The following TXNL4A variants were observed in gnomAD, a reference collection of about 807,000 sequenced individuals.
TXNL4A encodes thioredoxin-like protein 4A.
A neutral mutation model predicts 14.6 loss-of-function variants in TXNL4A; 17 were observed. That is an observed-to-expected ratio of 1.16 (90% CI 0.80 to 1.74). TXNL4A has a LOEUF of 1.74. TXNL4A is among the 40% of genes most tolerant of loss of function. TXNL4A has a pLI of 0.00. For synonymous variants in TXNL4A, 83 were observed against 70.6 expected, an observed-to-expected ratio of 1.18 and a Z score of -0.88; for missense variants, 74 against 195.2, an observed-to-expected ratio of 0.38 and a Z score of 3.70.
chr18:80,029,328 G>T (rs1159481367), intron 1 of TXNL4A, among the ~76,000 whole-genome samples: 1 of 152,008 alleles, frequency 6.6e-6, no homozygotes, highest in East Asian at 1.9e-4. Context: ...AGTCGCCCAG[G>T]GTCACTTTCC....
Position 79,987,359 on chromosome 18 carries a change from G to A in TXNL4A, c.153+881C>T, listed in dbSNP as rs537145461. Among the ~76,000 whole-genome samples the A allele has an allele frequency of 1.6e-4, 25 of 152,288 alleles. No individual in the cohort carries two copies. The South Asian group carries it at 5.2e-3, about 32-fold the overall frequency. ...TTACATCTGTTACTCTTTACTCAAA[G>A]GAGTTATTTTAACCCAGGCCTACTT... On this transcript the variant is annotated intron_variant, in intron 1 of 2. Transcript: ENST00000269601.
At chr18:79,997,553 C>A (rs1474117125) in intron 1 of TXNL4A, among the ~76,000 whole-genome samples, 1 of 152,140 alleles carries the variant, frequency 6.6e-6, no homozygotes, top group Non-Finnish European at 1.5e-5. Flanking sequence ...TCTGCAGTGC[C>A]TTCTTTAGTA....
chr18:79,973,829 C>A lies in TXNL4A; in HGVS notation c.285G>T (p.Gly95=). 1 of 1,614,096 alleles carries A rather than the reference C, an allele frequency of 6.2e-7. No individual in the cohort carries two copies. Among genetic ancestry groups the A allele is most frequent in the Non-Finnish European group, 8.5e-7 (1 of 1,180,022 alleles). Residue 95 remains glycine (G), a synonymous_variant, in exon 3 of 3, where the codon GGG becomes GGT. Coordinates refer to ENST00000269601, the MANE Select transcript of TXNL4A (RefSeq NM_006701.5). ...AGTTAATCTTGTTGTTGTTGCCAGTCCCCAAGTCAATCATGATGTGCTTGT... is the reference window on the plus strand; with the variant it reads ...AGTTAATCTTGTTGTTGTTGCCAGTACCCAAGTCAATCATGATGTGCTTGT... ...FRNKHIMIDL[G]TGNNNKINWA... is the part of the protein sequence containing the mutation.
At chr18:79,987,700 A>G (rs2051574084) in intron 1 of TXNL4A, among the ~76,000 whole-genome samples, 1 of 152,346 alleles carries the variant, frequency 6.6e-6, no homozygotes, top group South Asian at 2.1e-4. Flanking sequence ...CTAACAAAGC[A>G]TATTTCTATT....
chr18:80,016,337 C>G (rs575263479), intron 1 of TXNL4A, among the ~76,000 whole-genome samples: 48 of 152,218 alleles, frequency 3.2e-4, no homozygotes, highest in African/African-American at 1.2e-3. Flanking sequence ...ATGGTAGTTT[C>G]TTTTGCTGCG....
intron 2 of TXNL4A, chr18:79,976,626 C>T (rs2051383688): frequency 6.3e-6 from 2 of 317,536 alleles, no homozygotes. Context: ...CTCAGAAAAG[C>T]GGGGTGATTT....
Position 79,998,672 on chromosome 18 carries a change from T to A in TXNL4A, c.-60-20971A>T, listed in dbSNP as rs572842585. ...AGTCTGTTGAAGAAATAAGTATGGG[T>A]TCCCCCCTTACCATTTCTGTGCCAC... On this transcript the variant is annotated intron_variant, in intron 1 of 2. Transcript: ENST00000585474. 9.4e-5 allele frequency among the ~76,000 whole-genome samples: 14 copies of A among 149,148 alleles called. No homozygotes were observed. The East Asian group carries it at 2.5e-3, about 27-fold the overall frequency.
chr18:79,998,396 T>G (rs1226470291), intron 1 of TXNL4A, among the ~76,000 whole-genome samples: 4 of 151,792 alleles, frequency 2.6e-5, no homozygotes, highest in African/African-American at 9.7e-5. Flanking sequence ...CCTTGTGGAG[T>G]CCTGAGGGAC....
rs148971405 is a variant in TXNL4A, at chr18:79,983,843, T to C, written c.153+4397A>G. ...CAACCCTATGAGTGAGGCACAAGTA[T>C]GCCCTTTTTACAGGTAAGATGACCC... On this transcript the variant is annotated intron_variant, in intron 1 of 2. Coordinates refer to ENST00000269601, the MANE Select transcript of TXNL4A (RefSeq NM_006701.5). Among the ~76,000 whole-genome samples the C allele has an allele frequency of 5.9e-5, 9 of 152,350 alleles. No homozygotes were observed. In the East Asian group the frequency reaches 1.5e-3, roughly 26 times the overall value.
intron 1 of TXNL4A, among the ~76,000 whole-genome samples, chr18:80,000,698 A>T (rs1408203273): frequency 6.6e-6 from 1 of 152,182 alleles, no homozygotes; most frequent in Non-Finnish European, 1.5e-5. Context: ...TCTGTCGCCC[A>T]GGCTGGAGTG....
chr18:79,996,803 C>T (rs920772964), intron 1 of TXNL4A, among the ~76,000 whole-genome samples: 4 of 152,020 alleles, frequency 2.6e-5, no homozygotes, highest in Non-Finnish European at 5.9e-5. Context: ...ATTAGCCAGG[C>T]GTGGTAGCGC....
At chr18:79,989,135 TTTA>T (rs1284664001), upstream of TXNL4A, among the ~76,000 whole-genome samples, 2 of 152,118 alleles carry the variant, frequency 1.3e-5, no homozygotes, top group Non-Finnish European at 2.9e-5. Flanking sequence ...AATTTGTCTT[TTTA>T]TAAAGAAAAA....
At chr18:80,021,824 A>G (rs2051851057) in intron 1 of TXNL4A, among the ~76,000 whole-genome samples, 1 of 152,114 alleles carries the variant, frequency 6.6e-6, no homozygotes, top group South Asian at 2.1e-4. Flanking sequence ...TGGTTACGGA[A>G]GAAGGTGGAA....
At chr18:79,996,967 T>G (rs540746768) in intron 1 of TXNL4A, among the ~76,000 whole-genome samples, 1 of 151,958 alleles carries the variant, frequency 6.6e-6, no homozygotes, top group East Asian at 1.9e-4. Context: ...AGACCTGACA[T>G]TGCACCACAA....
chr18:80,017,193 G>A (rs980125369), intron 1 of TXNL4A, among the ~76,000 whole-genome samples: 77 of 152,014 alleles, frequency 5.1e-4, no homozygotes, highest in Non-Finnish European at 1.0e-3. Flanking sequence ...GAATGCTTGT[G>A]ATTTTTGTAC....
intron 1 of TXNL4A, among the ~76,000 whole-genome samples, chr18:80,022,183 G>A (rs2051853946): frequency 1.3e-5 from 2 of 152,168 alleles, no homozygotes; most frequent in Non-Finnish European, 2.9e-5. Flanking sequence ...GCACCATTGG[G>A]CATTTCCTGC....
At chr18:79,999,815 G>A (rs1185472002) in intron 1 of TXNL4A, among the ~76,000 whole-genome samples, 2 of 152,250 alleles carry the variant, frequency 1.3e-5, no homozygotes, top group East Asian at 3.9e-4. Context: ...GGACCCAGTG[G>A]GAGATAATTG....
rs1369644797 is a variant in TXNL4A, at chr18:79,973,789, T to A, written c.325A>T (p.Lys109Ter). ...TCGATGATGTCCACCATCTCCTGCT[T>A]GTCCTCCATGGCCCAGTTAATCTTG... ...NNKINWAMED[K>*]QEMVDIIETV... is the part of the protein sequence containing the mutation. Residue 109 changes from lysine to a stop codon, truncating the protein, a stop_gained, in exon 3 of 3, where the codon AAG becomes TAG. Coordinates refer to ENST00000269601, the MANE Select transcript of TXNL4A (RefSeq NM_006701.5). LOFTEE classifies it high-confidence loss of function. The A allele has an allele frequency of 3.1e-6, 5 of 1,614,050 alleles. No homozygotes were observed. The highest frequency in any genetic ancestry group is 4.2e-6 in the Non-Finnish European group (5 of 1,180,040).
At chr18:80,003,294 G>A (rs2051709330) in intron 1 of TXNL4A, among the ~76,000 whole-genome samples, 1 of 152,226 alleles carries the variant, frequency 6.6e-6, no homozygotes, top group Non-Finnish European at 1.5e-5. Context: ...GGTGTGTCCA[G>A]CACAGGTCCT....
Sources: allele counts gnomAD v4.1 joint callset (sites outside exome capture counted in the v4.1 genomes callset), GRCh38; gene constraint gnomAD v4.1.1; transcripts MANE v1.5; gene names NCBI Gene and HGNC (gene_info 2026-07-23, HGNC 2026-07-21).